The following SERINC5 variants were observed in gnomAD, a reference collection of about 807,000 sequenced individuals.
The protein encoded by SERINC5 is serine incorporator 5, also known as chromosome 5 open reading frame 12.
In SERINC5, 41 loss-of-function variants were observed where a neutral mutation model predicts 63.1. That is an observed-to-expected ratio of 0.65 (90% CI 0.51 to 0.84). The LOEUF is 0.84. Among genes scored for constraint, SERINC5 ranks in the 40% least tolerant of loss-of-function variants. The pLI is 0.00. For synonymous variants in SERINC5, 222 were observed against 215.2 expected (o/e 1.03, Z -0.28); for missense variants, 523 against 573.0 (o/e 0.91, Z 0.89).
chr5:80,221,151 C>T (rs777002190), intron 1 of SERINC5, among the ~76,000 whole-genome samples: 7 of 152,146 alleles, frequency 4.6e-5, no homozygotes, highest in Non-Finnish European at 8.8e-5. Context: ...GTCTCAGCCT[C>T]CATCCCAGAT....
At chr5:80,119,632 T>C (rs1481528871) in intron 11 of SERINC5, among the ~76,000 whole-genome samples, 1 of 152,262 alleles carries the variant, frequency 6.6e-6, no homozygotes, top group Non-Finnish European at 1.5e-5. Flanking sequence ...AAATAGATTA[T>C]GATCCCAAAT....
chr5:80,222,553 A>AGTATGTGAGTGTGTGTGTGTGT (rs550308144), intron 1 of SERINC5, among the ~76,000 whole-genome samples: 10 of 138,890 alleles, frequency 7.2e-5, no homozygotes, highest in African/African-American at 2.5e-4. Context: ...TTTGTGGGTG[A>AGTATGTGAGTGTGTGTGTGTGT]GTGTGTGAGT....
chr5:80,213,567 G>A (rs1750531780), intron 1 of SERINC5, among the ~76,000 whole-genome samples: 1 of 152,176 alleles, frequency 6.6e-6, no homozygotes, highest in African/African-American at 2.4e-5. Flanking sequence ...TCCTACAGGA[G>A]GGAGACAGGC....
Position 80,140,724 on chromosome 5 carries a change from C to T in SERINC5, c.*2939G>A, listed in dbSNP as rs1745458732. On this transcript the variant is annotated 3_prime_UTR_variant, in exon 12 of 12. Transcript: ENST00000507668. ...GCGGTATGACACTCCCATAAGAACC[C>T]CCACCCCCCTGCCACCCACTTAGTG... 1 of 985,254 alleles carries T rather than the reference C, an allele frequency of 1.0e-6. No individual in the cohort carries two copies. 61.0% of individuals were successfully genotyped at this position (985,254 alleles called of 1,614,324 possible). A position where few individuals can be genotyped will look rare whatever the true frequency, so the allele number is the denominator to read the frequency against.
At chr5:80,233,069 G>T (rs888176312) in intron 1 of SERINC5, among the ~76,000 whole-genome samples, 1 of 152,188 alleles carries the variant, frequency 6.6e-6, no homozygotes, top group Admixed American at 6.5e-5. Flanking sequence ...TAAAACCACT[G>T]AATTGCACAC....
intron 11 of SERINC5, among the ~76,000 whole-genome samples, chr5:80,118,320 C>T (rs916992516): frequency 1.3e-5 from 2 of 152,134 alleles, no homozygotes; most frequent in Non-Finnish European, 2.9e-5. Context: ...AGGATGTAGA[C>T]GTCTTTTTGG....
At position 80,223,445 on chromosome 5, in the gene SERINC5, C is replaced by A. The variant is rs375705391; in HGVS notation, c.28-20392G>T. On this transcript the variant is annotated intron_variant, in intron 1 of 11. Coordinates refer to ENST00000507668, the MANE Select transcript of SERINC5 (RefSeq NM_001174072.3). Reference sequence around the variant, plus strand: ...ATTTTTATTGTTTTGTTTTTTTCCCCAAATATTTTTGATCCATGGTTTGTT... The same window carrying A: ...ATTTTTATTGTTTTGTTTTTTTCCCAAAATATTTTTGATCCATGGTTTGTT... 4.0e-5 allele frequency among the ~76,000 whole-genome samples: 6 copies of A among 151,702 alleles called. No homozygotes were observed. In the East Asian group the frequency reaches 9.7e-4, roughly 24 times the overall value.
intron 7 of SERINC5, among the ~76,000 whole-genome samples, chr5:80,162,490 C>T (rs1480471826): frequency 1.3e-5 from 2 of 152,142 alleles, no homozygotes; most frequent in South Asian, 2.1e-4. Flanking sequence ...CCTCCAACCT[C>T]GGACCCATGA....
rs527440102 is a variant in SERINC5 at position 80,215,319 on chromosome 5, C to T, written c.28-12266G>A. On this transcript the variant is annotated intron_variant, in intron 1 of 11. Coordinates refer to ENST00000507668, the MANE Select transcript of SERINC5 (RefSeq NM_001174072.3). ...CCTGCCATGTAAGACACCTGCTCCT[C>T]CCTTGTCTTCCGCCATGATTGGAAG... is the stretch of plus-strand genomic sequence containing the variant. Among the ~76,000 whole-genome samples the T allele has an allele frequency of 2.0e-5, 3 of 152,326 alleles. No homozygotes were observed. In the South Asian group the frequency reaches 6.2e-4, roughly 32 times the overall value.
At chr5:80,170,736 C>A (rs1747597703) in intron 5 of SERINC5, among the ~76,000 whole-genome samples, 1 of 152,138 alleles carries the variant, frequency 6.6e-6, no homozygotes, top group Non-Finnish European at 1.5e-5. Context: ...CAAAGTGCTG[C>A]CAGGAGAGGT....
intron 1 of SERINC5, among the ~76,000 whole-genome samples, chr5:80,251,289 T>C: frequency 2.9e-5 from 1 of 34,986 alleles, no homozygotes; most frequent in South Asian, 5.3e-4. Flanking sequence ...AATACATACA[T>C]GCATACATAC....
rs779085113 is a variant in SERINC5, at chr5:80,177,414, A to G, written c.375-17T>C. 1.3e-6 allele frequency: 2 copies of G among 1,590,546 alleles called. No individual in the cohort carries two copies. The highest frequency in any genetic ancestry group is 1.7e-5 in the Admixed American group (1 of 59,804). ...AACCAAAAGCTAGAAGTGGGGGGAA[A>G]AAAAAGAGGAAATGTATTTAAATGA... On this transcript the variant is annotated splice_polypyrimidine_tract_variant and intron_variant, in intron 3 of 11. Coordinates refer to ENST00000507668, the MANE Select transcript of SERINC5 (RefSeq NM_001174072.3).
intron 1 of SERINC5, among the ~76,000 whole-genome samples, chr5:80,242,221 C>T (rs1005543789): frequency 6.6e-6 from 1 of 152,118 alleles, no homozygotes; most frequent in South Asian, 2.1e-4. Context: ...AGTTCTATCA[C>T]GTCTATAAAA....
rs1745616599 is a variant in SERINC5 at position 80,143,219 on chromosome 5, C to G, written c.*444G>C. 7.1e-6 allele frequency: 7 copies of G among 989,698 alleles called. No homozygotes were observed. Among genetic ancestry groups the G allele is most frequent in the African/African-American group, 3.5e-5 (2 of 57,252 alleles). The allele number at this position is 989,698 out of a possible 1,614,324, so 61.3% of individuals were successfully genotyped here. ...CTCAAAGCCCCCTGGGGACAAGGCTCTAAGAGGCGGAAGTGAGTGAGAGGG... is the reference window on the plus strand; with the variant it reads ...CTCAAAGCCCCCTGGGGACAAGGCTGTAAGAGGCGGAAGTGAGTGAGAGGG... On this transcript the variant is annotated 3_prime_UTR_variant, in exon 12 of 12. Transcript: ENST00000507668.
chr5:80,134,027 G>C (rs1745053732), downstream of SERINC5, among the ~76,000 whole-genome samples: 1 of 152,222 alleles, frequency 6.6e-6, no homozygotes, highest in Non-Finnish European at 1.5e-5. Context: ...TTATCTGGAG[G>C]AGCAATTTGG....
chr5:80,158,403 G>A (rs905104122), intron 8 of SERINC5: 1 of 174,086 alleles, frequency 5.7e-6, no homozygotes, highest in African/African-American at 2.4e-5. Flanking sequence ...TCCATCAACA[G>A]CAGAAGAAAG....
intron 11 of SERINC5, among the ~76,000 whole-genome samples, chr5:80,130,874 C>T (rs534027497): frequency 1.3e-5 from 2 of 152,164 alleles, no homozygotes; most frequent in Non-Finnish European, 2.9e-5. Flanking sequence ...ATCCCTACCC[C>T]TAAGGGAGCT....
At position 80,145,302 on chromosome 5, in the gene SERINC5, C is replaced by G. The variant is rs185866350; in HGVS notation, c.1238+788G>C. Among the ~76,000 whole-genome samples, 547 of 152,046 alleles carry G rather than the reference C, an allele frequency of 3.6e-3. 3 individuals are homozygous for G. Among genetic ancestry groups the G allele is most frequent in the African/African-American group, 0.013 (525 of 41,458 alleles). On this transcript the variant is annotated intron_variant, in intron 11 of 11. Transcript: ENST00000507668. ...AGGTTGCAGTGAGCCGAGATTGCGC[C>G]ACTGCACTCCAGCCTGGGTGACAAA...
chr5:80,116,573 A>C (rs1744328410), intron 11 of SERINC5, among the ~76,000 whole-genome samples: 3 of 152,062 alleles, frequency 2.0e-5, no homozygotes, highest in African/African-American at 4.8e-5. Flanking sequence ...AGTGGGAAGA[A>C]GCTCAGTAAC....
Sources: allele counts gnomAD v4.1 joint callset (sites outside exome capture counted in the v4.1 genomes callset), GRCh38; gene constraint gnomAD v4.1.1; transcripts MANE v1.5; gene names NCBI Gene and HGNC (gene_info 2026-07-23, HGNC 2026-07-21).